Variants in ARMC8 observed in about 807,000 individuals in gnomAD.
The protein encoded by ARMC8 is armadillo repeat containing 8, also known as armadillo repeat-containing protein 8.
ARMC8 carries 20 observed loss-of-function variants against 99.3 expected under a neutral mutation model. The ratio of observed to expected loss-of-function variants is 0.20; its 90% CI spans 0.14 to 0.29. The LOEUF is 0.29. ARMC8 is among the 10% of genes least tolerant of loss of function. The pLI is 1.00. For missense variants in ARMC8, 569 were observed against 809.5 expected, an observed-to-expected ratio of 0.70 and a Z score of 3.60; for synonymous variants, 263 against 278.3, an observed-to-expected ratio of 0.95 and a Z score of 0.55.
At position 138,296,572 on chromosome 3, in the gene ARMC8, C is replaced by T. The variant is rs1260275290; in HGVS notation, c.*680C>T. 2.6e-5 allele frequency: 4 copies of T among 152,144 alleles called. No individual in the cohort carries two copies. The South Asian group carries it at 8.3e-4, about 32-fold the overall frequency. The allele number at this position is 152,144 out of a possible 1,614,324, so 9.4% of individuals were successfully genotyped here. A position where few individuals can be genotyped will look rare whatever the true frequency, so the allele number is the denominator to read the frequency against. ...AAAAGAAAAAAAAAGAAAAAGTTGG[C>T]TATAGTTGGCCTGATTAACAGGCAC... On this transcript the variant is annotated 3_prime_UTR_variant, in exon 22 of 22. Coordinates refer to ENST00000469044, the MANE Select transcript of ARMC8 (RefSeq NM_001363941.2).
rs754897042 is a variant in ARMC8 at position 138,235,028 on chromosome 3, T to G, written c.529-6T>G. The G allele has an allele frequency of 2.5e-6, 4 of 1,611,490 alleles. No individual in the cohort carries two copies. Among genetic ancestry groups the G allele is most frequent in the African/African-American group, 2.7e-5 (2 of 74,996 alleles). Reference sequence around the variant, plus strand: ...AAATATATTGTTGTATTCTTTTTTCTTACAGGGGCCAGATCATCAAACAAT... The same window carrying G: ...AAATATATTGTTGTATTCTTTTTTCGTACAGGGGCCAGATCATCAAACAAT... On this transcript the variant is annotated splice_region_variant and splice_polypyrimidine_tract_variant and intron_variant, in intron 6 of 21. Transcript: ENST00000469044.
In ARMC8 at chr3:138,239,515, G is replaced by C; in HGVS notation, c.824G>C (p.Cys275Ser). The C allele has an allele frequency of 6.3e-7, 1 of 1,595,240 alleles. No homozygotes were observed. Residue 275 changes from cysteine (C) to serine (S), a missense_variant, in exon 10 of 22, where the codon TGT becomes TCT. Coordinates refer to ENST00000469044, the MANE Select transcript of ARMC8 (RefSeq NM_001363941.2). ...GGAGCAATTCGGACAGATGATAACT[G>C]TATTGTATTAAAGGTAAGCTAATTA... ...RAGAIRTDDNCIVLKTLPCLV... is the reference protein window; with the variant it reads ...RAGAIRTDDNSIVLKTLPCLV...
At chr3:138,228,580 G>T (rs115749863) in intron 5 of ARMC8, 4 of 413,740 alleles carry the variant, frequency 9.7e-6, no homozygotes, top group African/African-American at 2.1e-5. Flanking sequence ...AGTGCATAAC[G>T]TACTAGTTAC....
intron 1 of ARMC8, among the ~76,000 whole-genome samples, chr3:138,196,956 T>C (rs1405105166): frequency 1.3e-5 from 2 of 152,222 alleles, no homozygotes; most frequent in Non-Finnish European, 2.9e-5. Context: ...TGAGCTATTA[T>C]GTGTGGGAAT....
At chr3:138,259,686 G>A (rs1299712127) in intron 12 of ARMC8, among the ~76,000 whole-genome samples, 3 of 152,158 alleles carry the variant, frequency 2.0e-5, no homozygotes. Flanking sequence ...TGCCTGAGGG[G>A]AAGATACCTC....
intron 12 of ARMC8, among the ~76,000 whole-genome samples, chr3:138,247,187 T>C (rs948959359): frequency 5.3e-5 from 8 of 152,204 alleles, no homozygotes; most frequent in African/African-American, 1.7e-4. Flanking sequence ...AATAATTATT[T>C]GGGTAGATTT....
At chr3:138,295,219 C>G (rs1053568103) in intron 21 of ARMC8, among the ~76,000 whole-genome samples, 7 of 152,094 alleles carry the variant, frequency 4.6e-5, no homozygotes, top group African/African-American at 1.7e-4. Flanking sequence ...CTTTTCCTTT[C>G]CACCTGGCCA....
chr3:138,229,134 G>GTGTATATATA (rs2045852958), intron 6 of ARMC8, 124 bp downstream of exon 6: 2 of 78,606 alleles, frequency 2.5e-5, no homozygotes, highest in South Asian at 2.7e-4. Context: ...GTGTGTGCGT[G>GTGTATATATA]TATATATATA....
At chr3:138,209,939 C>A in intron 2 of ARMC8, 46 bp downstream of exon 2, 1 of 1,457,488 alleles carries the variant, frequency 6.9e-7, no homozygotes, top group Non-Finnish European at 9.6e-7. Context: ...TGTTTGTTTT[C>A]ATGTTTTAAT....
chr3:138,246,861 TAAAG>T (rs1390254861), intron 12 of ARMC8: 10 of 931,632 alleles, frequency 1.1e-5, no homozygotes, highest in African/African-American at 5.4e-5. Context: ...AGATGACAAA[TAAAG>T]AAAAAGTTAT....
Position 138,187,593 on chromosome 3 carries a change from C to T in ARMC8, c.39C>T (p.Val13=), listed in dbSNP as rs1469044726. The change falls in exon 1 of 22, where the codon GTC becomes GTT. Residue 13 remains valine, a synonymous_variant. Coordinates refer to ENST00000469044, the MANE Select transcript of ARMC8 (RefSeq NM_001363941.2). ...CLLETPIRMS[V]LSEVTASSRH... ...TGGAGACCCCAATCCGCATGAGCGT[C>T]CTTTCGGTGAGTGACCCGCCGCGGC... 3.3e-6 allele frequency: 5 copies of T among 1,535,622 alleles called. No individual in the cohort carries two copies. Among genetic ancestry groups the T allele is most frequent in the Non-Finnish European group, 4.4e-6 (5 of 1,146,604 alleles).
chr3:138,289,432 GGA>G (rs932383000), intron 20 of ARMC8, among the ~76,000 whole-genome samples: 4 of 152,326 alleles, frequency 2.6e-5, no homozygotes, highest in Admixed American at 2.6e-4. Context: ...GAAGGTGAGA[GGA>G]GAGAGTGGGT....
At chr3:138,207,170 A>G (rs1334008196) in intron 1 of ARMC8, among the ~76,000 whole-genome samples, 1 of 152,206 alleles carries the variant, frequency 6.6e-6, no homozygotes, top group African/African-American at 2.4e-5. Context: ...CCATCCTGGT[A>G]CACTCTTACT....
chr3:138,207,854 G>A (rs1162223025), intron 1 of ARMC8, among the ~76,000 whole-genome samples: 1 of 152,164 alleles, frequency 6.6e-6, no homozygotes, highest in Non-Finnish European at 1.5e-5. Flanking sequence ...GTTATTTTGA[G>A]GAAAACATGT....
In ARMC8 at chr3:138,209,796, AT is replaced by A; in HGVS notation, c.46-16del. 6.2e-7 allele frequency: 1 copy of A among 1,610,694 alleles called. No individual in the cohort carries two copies. Among genetic ancestry groups the A allele is most frequent in the Non-Finnish European group, 8.5e-7 (1 of 1,177,312 alleles). On this transcript the variant is annotated intron_variant, in intron 1 of 21. Coordinates refer to ENST00000469044, the MANE Select transcript of ARMC8 (RefSeq NM_001363941.2). ...GATTTGCATGGCTTCAGATGTCATA[AT>A]TTTTCCCCCCACTTTCTAGGAAGTA... is the stretch of plus-strand genomic sequence containing the variant.
At chr3:138,262,997 G>T (rs1252569488) in intron 12 of ARMC8, among the ~76,000 whole-genome samples, 2 of 152,156 alleles carry the variant, frequency 1.3e-5, no homozygotes, top group African/African-American at 4.8e-5. Context: ...TTAGCACAGT[G>T]CTTGGCACAT....
intron 12 of ARMC8, among the ~76,000 whole-genome samples, chr3:138,254,594 G>A (rs1265016874): frequency 6.6e-6 from 1 of 152,152 alleles, no homozygotes; most frequent in Non-Finnish European, 1.5e-5. Context: ...TGGCTGTTAA[G>A]GCTGTATTCT....
intron 8 of ARMC8, 29 bp from the exon 9 acceptor site, chr3:138,237,453 T>G: frequency 6.2e-7 from 1 of 1,611,482 alleles, no homozygotes; most frequent in Non-Finnish European, 8.5e-7. Flanking sequence ...AAGAATTTCC[T>G]TAATCATTGT....
rs1172495459 is a variant in ARMC8, at chr3:138,274,520, A to G, written c.1701A>G (p.Glu567=). 1 of 1,613,090 alleles carries G rather than the reference A, an allele frequency of 6.2e-7. No individual in the cohort carries two copies. The highest frequency in any genetic ancestry group is 1.3e-5 in the African/African-American group (1 of 75,030). ...CCGTCACTCTTATTCTAGAAGGGGA[A>G]CATAACATTGAGGTCAAAGAGCAGG... ...MQAVTLILEG[E]HNIEVKEQTL... is the part of the protein sequence containing the mutation. Residue 567 remains glutamate, a synonymous_variant, in exon 18 of 22, where the codon GAA becomes GAG. Coordinates refer to ENST00000469044, the MANE Select transcript of ARMC8 (RefSeq NM_001363941.2).
Sources: allele counts gnomAD v4.1 joint callset (sites outside exome capture counted in the v4.1 genomes callset), GRCh38; gene constraint gnomAD v4.1.1; transcripts MANE v1.5; gene names NCBI Gene and HGNC (gene_info 2026-07-23, HGNC 2026-07-21).